Variants in THRB observed in about 807,000 individuals in gnomAD.
THRB encodes nuclear receptor subfamily 1 group A member 2.
In THRB, 12 loss-of-function variants were observed where a neutral mutation model predicts 47.8. The observed-to-expected ratio is 0.25, with a 90% confidence interval of 0.16 to 0.41. The LOEUF (loss-of-function observed/expected upper bound fraction) is 0.41, where lower values mean the gene tolerates loss of function less well. Ranked by LOEUF, THRB falls within the 10% of genes least tolerant of loss-of-function variation. The probability of loss-of-function intolerance (pLI) is 1.00; values close to 1 mark genes in which losing one functional copy is unlikely to be tolerated. For missense variants in THRB, 348 were observed against 589.2 expected (o/e 0.59, Z 4.24); for synonymous variants, 218 against 212.2 (o/e 1.03, Z -0.24).
intron 5 of THRB, among the ~76,000 whole-genome samples, chr3:24,168,511 G>A (rs2039979837): frequency 8.7e-6 from 1 of 115,204 alleles, no homozygotes; most frequent in African/African-American, 3.5e-5. Flanking sequence ...ATATATATAT[G>A]CGCCTAGGTG....
At chr3:24,377,060 C>A (rs2065347382) in intron 1 of THRB, among the ~76,000 whole-genome samples, 1 of 152,082 alleles carries the variant, frequency 6.6e-6, no homozygotes, top group Non-Finnish European at 1.5e-5. Flanking sequence ...CCCTCAGCCT[C>A]CCAGGTAGCT....
rs182298350 is a variant in THRB, at chr3:24,315,375, C to T, written c.-188-18004G>A. On this transcript the variant is annotated intron_variant, in intron 2 of 10. Coordinates refer to ENST00000646209, the MANE Select transcript of THRB (RefSeq NM_001354712.2). ...TCTAAACAAATAAACCACCTGGGAC[C>T]CAAAGCCACGTCCTGCACTTACGTG... Among the ~76,000 whole-genome samples the T allele has an allele frequency of 2.6e-3, 390 of 152,286 alleles. 5 individuals are homozygous for T. Among genetic ancestry groups the T allele is most frequent in the Admixed American group, 3.7e-3 (57 of 15,304 alleles).
chr3:24,382,489 C>T (rs1392110432), intron 1 of THRB, among the ~76,000 whole-genome samples: 4 of 151,816 alleles, frequency 2.6e-5, no homozygotes, highest in African/African-American at 9.7e-5. Flanking sequence ...GAATAGGAAA[C>T]CAAGCAATCT....
chr3:24,200,733 C>G (rs1314194232), intron 4 of THRB, among the ~76,000 whole-genome samples: 1 of 152,148 alleles, frequency 6.6e-6, no homozygotes, highest in East Asian at 1.9e-4. Flanking sequence ...AGAGACATTT[C>G]AATCTGGAAA....
At chr3:24,155,977 C>G (rs2683533) in intron 5 of THRB, among the ~76,000 whole-genome samples, 1 of 152,046 alleles carries the variant, frequency 6.6e-6, no homozygotes, top group East Asian at 1.9e-4. Flanking sequence ...CTTGTCTGCT[C>G]AGATGTATTA....
At chr3:24,472,166 C>A (rs1694798323) in intron 1 of THRB, among the ~76,000 whole-genome samples, 1 of 152,126 alleles carries the variant, frequency 6.6e-6, no homozygotes, top group Non-Finnish European at 1.5e-5. Flanking sequence ...AGTAGGGACA[C>A]CCATATTTAT....
In THRB at chr3:24,351,816, T is replaced by A. The variant is rs115264163; in HGVS notation, c.-260-14445A>T. On this transcript the variant is annotated intron_variant, in intron 1 of 10. Coordinates refer to ENST00000646209, the MANE Select transcript of THRB (RefSeq NM_001354712.2). Reference sequence around the variant, plus strand: ...AACAATGTCTGTAGTGCTAGACACATGAGAGCAGATGGTGACCGGGACTAA... The same window carrying A: ...AACAATGTCTGTAGTGCTAGACACAAGAGAGCAGATGGTGACCGGGACTAA... 4.8e-3 allele frequency among the ~76,000 whole-genome samples: 737 copies of A among 152,246 alleles called. 6 individuals are homozygous for A. Among genetic ancestry groups the A allele is most frequent in the African/African-American group, 0.017 (687 of 41,554 alleles).
At chr3:24,369,308 C>T (rs2149726125) in intron 1 of THRB, among the ~76,000 whole-genome samples, 1 of 152,246 alleles carries the variant, frequency 6.6e-6, no homozygotes, top group South Asian at 2.1e-4. Flanking sequence ...TATCACAACT[C>T]TGCTGGGAGG....
At chr3:24,410,835 A>AGTCT (rs1244125049) in intron 1 of THRB, among the ~76,000 whole-genome samples, 1 of 151,898 alleles carries the variant, frequency 6.6e-6, no homozygotes, top group Non-Finnish European at 1.5e-5. Flanking sequence ...TTAACAAAAA[A>AGTCT]GTCTTTGCCT....
chr3:24,366,072 G>T (rs1364724075), intron 1 of THRB, among the ~76,000 whole-genome samples: 5 of 152,086 alleles, frequency 3.3e-5, no homozygotes, highest in Non-Finnish European at 7.4e-5. Flanking sequence ...AACCAGTTAG[G>T]TTAGGTACAT....
chr3:24,227,105 G>C (rs1378684840), intron 4 of THRB, among the ~76,000 whole-genome samples: 1 of 149,964 alleles, frequency 6.7e-6, no homozygotes, highest in South Asian at 2.1e-4. Context: ...ATGTCTTGGG[G>C]TATGTTCTTT....
At chr3:24,233,902 G>C (rs2048601268) in intron 3 of THRB, among the ~76,000 whole-genome samples, 1 of 152,188 alleles carries the variant, frequency 6.6e-6, no homozygotes, top group African/African-American at 2.4e-5. Flanking sequence ...CGTCTAAGAA[G>C]ATGCATGTCT....
At chr3:24,384,984 T>C (rs1288777969) in intron 1 of THRB, among the ~76,000 whole-genome samples, 3 of 152,130 alleles carry the variant, frequency 2.0e-5, no homozygotes, top group Admixed American at 2.0e-4. Flanking sequence ...ACTGCATGAA[T>C]ATACTACTTC....
chr3:24,360,749 A>C (rs760045333), intron 1 of THRB, among the ~76,000 whole-genome samples: 59 of 152,116 alleles, frequency 3.9e-4, no homozygotes, highest in Non-Finnish European at 4.1e-4. Flanking sequence ...TATATCCGGT[A>C]TAGTTGTTTA....
At chr3:24,408,915 G>A (rs963868921) in intron 1 of THRB, among the ~76,000 whole-genome samples, 1 of 151,760 alleles carries the variant, frequency 6.6e-6, no homozygotes, top group Non-Finnish European at 1.5e-5. Flanking sequence ...AGCCTAACTG[G>A]ATTACTTCCA....
Position 24,300,665 on chromosome 3 carries a change from C to A in THRB, c.-188-3294G>T, listed in dbSNP as rs914941529. On this transcript the variant is annotated intron_variant, in intron 2 of 10. Coordinates refer to ENST00000646209, the MANE Select transcript of THRB (RefSeq NM_001354712.2). ...CCACAGGAATGTATTAGACTCCCCC[C>A]ATCTCTTCATCTAACTGCAGTGGTG... 2.6e-5 allele frequency among the ~76,000 whole-genome samples: 4 copies of A among 152,172 alleles called. No individual in the cohort carries two copies. The South Asian group carries it at 6.2e-4, about 24-fold the overall frequency.
chr3:24,442,490 A>G (rs2071623879), intron 1 of THRB, among the ~76,000 whole-genome samples: 1 of 152,226 alleles, frequency 6.6e-6, no homozygotes, highest in Non-Finnish European at 1.5e-5. Flanking sequence ...TTGCTGATTA[A>G]CAATTACTAC....
intron 1 of THRB, among the ~76,000 whole-genome samples, chr3:24,478,806 G>A (rs1160585026): frequency 6.6e-6 from 1 of 152,162 alleles, no homozygotes; most frequent in Non-Finnish European, 1.5e-5. Context: ...AGCTATAACT[G>A]ATGAAAAGCT....
chr3:24,213,998 T>A (rs1241728899), intron 4 of THRB, among the ~76,000 whole-genome samples: 2 of 152,230 alleles, frequency 1.3e-5, no homozygotes, highest in Non-Finnish European at 2.9e-5. Context: ...CTACCTACCT[T>A]CTAGACATGA....
Sources: allele counts gnomAD v4.1 joint callset (sites outside exome capture counted in the v4.1 genomes callset), GRCh38; gene constraint gnomAD v4.1.1; transcripts MANE v1.5; gene names NCBI Gene and HGNC (gene_info 2026-07-23, HGNC 2026-07-21).